ANKRD45: variants seen among roughly 807,000 people sequenced by gnomAD.
ANKRD45 encodes ankyrin repeat domain-containing protein 45.
In ANKRD45, 21 loss-of-function variants were observed where a neutral mutation model predicts 28.1. The observed-to-expected ratio is 0.75, with a 90% CI of 0.53 to 1.08. The LOEUF (loss-of-function observed/expected upper bound fraction) is 1.08, where lower values mean the gene tolerates loss of function less well. Among genes scored for constraint, ANKRD45 ranks in the 50% least tolerant of loss-of-function variants. The pLI, the probability that ANKRD45 is intolerant of heterozygous loss-of-function variation, is 0.00. For synonymous variants in ANKRD45, 86 were observed against 103.9 expected (o/e 0.83, Z 1.05); for missense variants, 261 against 308.7 (o/e 0.85, Z 1.16).
At chr1:173,682,725 C>A in the ANKRD45 span, among the ~76,000 whole-genome samples, 2 of 108,224 alleles carry the variant, frequency 1.8e-5, no homozygotes, top group Non-Finnish European at 1.8e-5. Context: ...ACACACACAT[C>A]TTGGATGTTA....
the ANKRD45 span, among the ~76,000 whole-genome samples, chr1:173,688,653 CTCTT>C: frequency 2.7e-4 from 35 of 131,334 alleles, 7 homozygotes; most frequent in African/African-American, 1.2e-3. Context: ...TTTCCTCTCT[CTCTT>C]TCTGCCTCTT....
chr1:173,694,905 T>G, the ANKRD45 span, among the ~76,000 whole-genome samples: 3 of 152,134 alleles, frequency 2.0e-5, no homozygotes, highest in African/African-American at 2.4e-5. Context: ...ATTAGGAAAT[T>G]TTTCAATTAC....
intron 5 of ANKRD45, among the ~76,000 whole-genome samples, chr1:173,613,568 C>T (rs9660039): frequency 8.5e-5 from 12 of 141,862 alleles, no homozygotes; most frequent in Admixed American, 6.0e-4. Flanking sequence ...GTCAGCCCCC[C>T]CCCCGGCCAG....
chr1:173,675,293 T>C, the ANKRD45 span: 6 of 298,230 alleles, frequency 2.0e-5, no homozygotes, highest in East Asian at 7.3e-4. Context: ...TTGAAAACAT[T>C]ATTTTGCAGG....
At chr1:173,695,908 T>A in the ANKRD45 span, among the ~76,000 whole-genome samples, 1 of 152,226 alleles carries the variant, frequency 6.6e-6, no homozygotes, top group Non-Finnish European at 1.5e-5. Flanking sequence ...AGACCGGTTA[T>A]CTGCTCTTAA....
At chr1:173,682,751 G>T in the ANKRD45 span, among the ~76,000 whole-genome samples, 1 of 148,758 alleles carries the variant, frequency 6.7e-6, no homozygotes, top group Non-Finnish European at 1.5e-5. Context: ...TAATTAAGCT[G>T]ACTTTAACTA....
the ANKRD45 span, among the ~76,000 whole-genome samples, chr1:173,689,137 C>T: frequency 6.6e-6 from 1 of 152,210 alleles, no homozygotes; most frequent in African/African-American, 2.4e-5. Flanking sequence ...GCTTCTTTCT[C>T]CTTTCTTAGT....
chr1:173,667,662 C>A (rs779518709), intron 1 of ANKRD45: 3 of 394,190 alleles, frequency 7.6e-6, no homozygotes, highest in South Asian at 5.8e-5. Flanking sequence ...GCTAAGATCA[C>A]CCCACTGCAC....
Position 173,646,903 on chromosome 1 carries a change from G to C in ANKRD45, c.439C>G (p.Arg147Gly), listed in dbSNP as rs750176189. The change falls in exon 3 of 6, where the codon CGA (arginine) becomes GGA (glycine). Residue 147 changes from arginine (R) to glycine (G), a missense_variant. Coordinates refer to ENST00000333279, the MANE Select transcript of ANKRD45 (RefSeq NM_198493.3). ...EALNFREERA[R>G]DVAARYSQTE... The stretch of plus-strand genomic sequence containing the variant: ...TGAGAATATCTAGCAGCAACATCTC[G>C]AGCCCTTTCTTCCCGGAAGTTCAAA... 23 of 1,614,108 alleles carry C rather than the reference G, an allele frequency of 1.4e-5. No individual in the cohort carries two copies. The highest frequency in any genetic ancestry group is 1.9e-5 in the Non-Finnish European group (22 of 1,180,004).
At chr1:173,694,481 A>G in the ANKRD45 span, among the ~76,000 whole-genome samples, 5 of 151,726 alleles carry the variant, frequency 3.3e-5, no homozygotes, top group African/African-American at 1.2e-4. Context: ...CAATTTTTAT[A>G]AACCAGATGG....
chr1:173,641,385 C>T (rs965652352), intron 3 of ANKRD45, among the ~76,000 whole-genome samples: 12 of 152,208 alleles, frequency 7.9e-5, no homozygotes, highest in African/African-American at 2.7e-4. Flanking sequence ...TCATGCCAAG[C>T]TCTCTCTGCT....
intron 5 of ANKRD45, among the ~76,000 whole-genome samples, chr1:173,620,602 G>C (rs1667656199): frequency 6.6e-6 from 1 of 152,134 alleles, no homozygotes; most frequent in Non-Finnish European, 1.5e-5. Flanking sequence ...GACTGTTGTG[G>C]GTTGGGGGGA....
At chr1:173,625,785 CAT>C (rs571981634) in intron 4 of ANKRD45, among the ~76,000 whole-genome samples, 76 of 151,860 alleles carry the variant, frequency 5.0e-4, no homozygotes, top group African/African-American at 1.7e-3. Flanking sequence ...TGTATGGATA[CAT>C]ATGATTATAT....
chr1:173,646,558 A>C (rs1242858908), intron 3 of ANKRD45, among the ~76,000 whole-genome samples: 1 of 152,228 alleles, frequency 6.6e-6, no homozygotes, highest in Admixed American at 6.5e-5. Flanking sequence ...ATACATATTG[A>C]ACATACAATA....
Position 173,608,616 on chromosome 1 carries a change from C to T in ANKRD45, c.*1529G>A, listed in dbSNP as rs1193539616. Among the ~76,000 whole-genome samples the T allele has an allele frequency of 1.3e-5, 2 of 151,558 alleles. No homozygotes were observed. The highest frequency in any genetic ancestry group is 2.9e-5 in the Non-Finnish European group (2 of 67,944). Reference sequence around the variant, plus strand: ...TTACAGGTGTGAGCCAGCACCCAGCCTGCAAATGTTTATTTTTTCAATTAC... The same window carrying T: ...TTACAGGTGTGAGCCAGCACCCAGCTTGCAAATGTTTATTTTTTCAATTAC... On this transcript the variant is annotated 3_prime_UTR_variant, in exon 6 of 6. Transcript: ENST00000333279.
intron 3 of ANKRD45, among the ~76,000 whole-genome samples, chr1:173,632,999 G>C (rs1668262384): frequency 6.6e-6 from 1 of 151,804 alleles, no homozygotes; most frequent in Non-Finnish European, 1.5e-5. Context: ...GTCTTACCTA[G>C]AGCAATCAGA....
chr1:173,631,853 GA>G (rs1668209996), intron 3 of ANKRD45, among the ~76,000 whole-genome samples: 1 of 151,444 alleles, frequency 6.6e-6, no homozygotes, highest in East Asian at 1.9e-4. Context: ...GTACTAAGAG[GA>G]AACTTTATAG....
the ANKRD45 span, among the ~76,000 whole-genome samples, chr1:173,681,484 G>A: frequency 1.3e-5 from 2 of 151,940 alleles, no homozygotes; most frequent in East Asian, 1.9e-4. Flanking sequence ...GAGCTCTTTT[G>A]TATATTTTCA....
the ANKRD45 span, among the ~76,000 whole-genome samples, chr1:173,688,395 C>CCTCTCTCTGACTCTTCCTCT: frequency 8.4e-6 from 1 of 119,326 alleles, no homozygotes; most frequent in African/African-American, 4.4e-5. Flanking sequence ...TCTGCCTCTT[C>CCTCTCTCTGACTCTTCCTCT]CTCTCTCTGC....
Sources: gnomAD v4.1 joint callset for allele counts (sites outside exome capture counted in the v4.1 genomes callset) on GRCh38, gnomAD v4.1.1 for gene constraint, MANE v1.5 for transcripts, NCBI Gene and HGNC (gene_info 2026-07-23, HGNC 2026-07-21) for gene names.